The following VAC14 variants were observed in gnomAD, a reference collection of about 807,000 sequenced individuals.
VAC14 encodes VAC14 component of PIKFYVE complex, also known as protein VAC14 homolog.
Under a neutral mutation model 85.3 loss-of-function variants are expected in VAC14, and 47 were observed. The ratio of observed to expected loss-of-function variants is 0.55; its 90% CI spans 0.44 to 0.70. VAC14 has a LOEUF of 0.70. Ranked by LOEUF, VAC14 falls within the 30% of genes least tolerant of loss-of-function variation. The probability of loss-of-function intolerance (pLI) is 0.00; values close to 1 mark genes in which losing one functional copy is unlikely to be tolerated. For synonymous variants in VAC14, 447 were observed against 430.5 expected (o/e 1.04, Z -0.47); for missense variants, 861 against 1,004.3 (o/e 0.86, Z 1.93).
At chr16:70,713,696 C>A (rs1296427797) in intron 14 of VAC14, among the ~76,000 whole-genome samples, 1 of 147,340 alleles carries the variant, frequency 6.8e-6, no homozygotes, top group Non-Finnish European at 1.5e-5. Flanking sequence ...TGCTCAGGAG[C>A]ATCTTTGTTT....
At chr16:70,700,468 G>A (rs930272330) in intron 14 of VAC14, among the ~76,000 whole-genome samples, 2 of 152,180 alleles carry the variant, frequency 1.3e-5, no homozygotes, top group African/African-American at 4.8e-5. Context: ...CAATGTCTCC[G>A]CACAATTTTT....
intron 1 of VAC14, among the ~76,000 whole-genome samples, chr16:70,789,204 G>A (rs920306627): frequency 1.3e-5 from 2 of 152,232 alleles, no homozygotes; most frequent in South Asian, 4.1e-4. Flanking sequence ...CACAGAAGGC[G>A]GTGGGAGGAC....
intron 12 of VAC14, among the ~76,000 whole-genome samples, chr16:70,753,896 G>A (rs1201919096): frequency 1.3e-5 from 2 of 152,134 alleles, no homozygotes; most frequent in Non-Finnish European, 2.9e-5. Context: ...TCAGGGAAAG[G>A]CTGGCTGGGC....
rs547240532 is a variant in VAC14 at position 70,702,239 on chromosome 16, A to AGCCCTGGCCTGGCTGCCCT, written c.1662-3429_1662-3428insAGGGCAGCCAGGCCAGGGC. 6.4e-3 allele frequency among the ~76,000 whole-genome samples: 982 copies of AGCCCTGGCCTGGCTGCCCT among 152,300 alleles called. 5 individuals are homozygous for AGCCCTGGCCTGGCTGCCCT. The highest frequency in any genetic ancestry group is 9.9e-3 in the Non-Finnish European group (672 of 68,022). ...TTTGCCCTTGTCACCCATCAGGCCA[A>AGCCCTGGCCTGGCTGCCCT]GCCCTGCCCAGATCTTGCACTCTCT... On this transcript the variant is annotated intron_variant, in intron 14 of 18. Transcript: ENST00000261776.
At chr16:70,719,025 T>C (rs1037639848) in intron 14 of VAC14, among the ~76,000 whole-genome samples, 2 of 152,166 alleles carry the variant, frequency 1.3e-5, no homozygotes, top group Non-Finnish European at 2.9e-5. Flanking sequence ...TGCTGCCCAA[T>C]ACAGTAAGAT....
rs1329493199 is a variant in VAC14 at position 70,746,779 on chromosome 16, C to T, written c.1372-2200G>A. Among the ~76,000 whole-genome samples, 10 of 152,082 alleles carry T rather than the reference C, an allele frequency of 6.6e-5. No individual in the cohort carries two copies. In the East Asian group the frequency reaches 1.4e-3, roughly 21 times the overall value. ...CGATTCAGCCCCTGCACACCTGCCACGGCAGGATGTACAAAGGCCATGCAC... is the reference window on the plus strand; with the variant it reads ...CGATTCAGCCCCTGCACACCTGCCATGGCAGGATGTACAAAGGCCATGCAC... On this transcript the variant is annotated intron_variant, in intron 12 of 18. Coordinates refer to ENST00000261776, the MANE Select transcript of VAC14 (RefSeq NM_018052.5).
At chr16:70,782,953 A>C in intron 7 of VAC14, 80 bp downstream of exon 7, 1 of 1,285,592 alleles carries the variant, frequency 7.8e-7, no homozygotes, top group Non-Finnish European at 1.1e-6. Context: ...TGAAGCTGAG[A>C]TGGTGAAAGG....
chr16:70,784,043 G>A, intron 5 of VAC14, 70 bp downstream of exon 5: 1 of 1,304,134 alleles, frequency 7.7e-7, no homozygotes, highest in East Asian at 2.3e-5. Flanking sequence ...CAAAGGGCCT[G>A]ACAAGAGTGT....
chr16:70,791,176 G>A (rs1018060689), intron 1 of VAC14, among the ~76,000 whole-genome samples: 7 of 152,142 alleles, frequency 4.6e-5, no homozygotes, highest in African/African-American at 1.7e-4. Context: ...CCTCCCATCT[G>A]CCCACTCTCT....
At position 70,762,914 on chromosome 16, in the gene VAC14, C is replaced by G; in HGVS notation, c.1272G>C (p.Trp424Cys). 1 of 1,614,206 alleles carries G rather than the reference C, an allele frequency of 6.2e-7. No homozygotes were observed. Among genetic ancestry groups the G allele is most frequent in the Non-Finnish European group, 8.5e-7 (1 of 1,180,044 alleles). Residue 424 changes from tryptophan (W) to cysteine (C), a missense_variant, in exon 11 of 19, where the codon TGG becomes TGC. Trp to Cys is a radical substitution (Grantham distance 215). Around this residue, in one of 3 missense-constraint regions of VAC14, gnomAD observed 629 missense variants for 703.1 expected, o/e 0.89. Transcript: ENST00000261776. The surrounding 1 kb of genome is among the most constrained non-coding windows in gnomAD (Gnocchi z 4.1). ...GMMTRIAVLKWLYHLYIKTPR... is the reference protein window; with the variant it reads ...GMMTRIAVLKCLYHLYIKTPR... ...GAGTTTTGATGTAGAGGTGGTAGAG[C>G]CACTTGAGAACTGCAATCCTGGTCA... is the stretch of plus-strand genomic sequence containing the variant.
rs369295470 is a variant in VAC14 at position 70,691,069 on chromosome 16, A to G, written c.2186+1752T>C. ...CACTGACCCTCAGAATCTTCTACCC[A>G]GAGGCCTCAACCCCTTGGCTCAAGA... On this transcript the variant is annotated intron_variant, in intron 18 of 18. Coordinates refer to ENST00000261776, the MANE Select transcript of VAC14 (RefSeq NM_018052.5). 328 of 985,488 alleles carry G rather than the reference A, an allele frequency of 3.3e-4. 3 individuals carry two copies. The South Asian group carries it at 0.013, about 40-fold the overall frequency. 61.0% of individuals were successfully genotyped at this position (985,488 alleles called of 1,614,324 possible).
intron 14 of VAC14, among the ~76,000 whole-genome samples, chr16:70,721,949 G>A (rs1024297123): frequency 2.6e-5 from 4 of 152,168 alleles, no homozygotes; most frequent in East Asian, 1.9e-4. Context: ...CCCCAGGCCC[G>A]GTGGAGGGCA....
At chr16:70,723,556 A>G (rs1433106422) in intron 14 of VAC14, among the ~76,000 whole-genome samples, 1 of 152,230 alleles carries the variant, frequency 6.6e-6, no homozygotes, top group African/African-American at 2.4e-5. Context: ...AATCTTTCCA[A>G]GTTTCCTGGC....
In VAC14 at chr16:70,698,746, T is replaced by G. The variant is rs774233414; in HGVS notation, c.1727A>C (p.Glu576Ala). The G allele has an allele frequency of 1.2e-6, 2 of 1,614,040 alleles. No homozygotes were observed. The highest frequency in any genetic ancestry group is 2.7e-5 in the African/African-American group (2 of 74,918). The change falls in exon 15 of 19, where the codon GAG becomes GCG. Residue 576 changes from glutamate (E) to alanine (A), a missense_variant. Physicochemically the swap from Glu to Ala is moderately radical, Grantham distance 107. Transcript: ENST00000261776. ...FHSMADILLR[E>A]EDLKFASTMV... ...GGTCGAGGCGAACTTGAGGTCCTCC[T>G]CCCGCAGCAGGATGTCTGCCATTGA...
At chr16:70,775,549 C>T (rs1306737259) in intron 9 of VAC14, among the ~76,000 whole-genome samples, 2 of 152,204 alleles carry the variant, frequency 1.3e-5, no homozygotes, top group African/African-American at 4.8e-5. Context: ...CCCCTGTAGA[C>T]CCAGGACGCA....
rs1427386202 is a variant in VAC14 at position 70,781,879 on chromosome 16, G to A, written c.936C>T (p.Asp312=). 4.3e-6 allele frequency: 7 copies of A among 1,613,920 alleles called. No homozygotes were observed. The highest frequency in any genetic ancestry group is 5.9e-6 in the Non-Finnish European group (7 of 1,179,978). ...CAAAGCAAAGGATACTTTTCTTGCG[G>A]TCATCGTAGGCCAAGCAGGGCAAGA... ...TAVLPCLAYD[D]RKKSIKEVAN... is the part of the protein sequence containing the mutation. Residue 312 remains aspartate, a synonymous_variant, in exon 8 of 19, where the codon GAC becomes GAT. Transcript: ENST00000261776.
intron 18 of VAC14, chr16:70,689,848 C>T: frequency 1.0e-6 from 1 of 985,532 alleles, no homozygotes; most frequent in Non-Finnish European, 1.2e-6. Context: ...GGTGCCACTG[C>T]TCCAAGAGAG....
chr16:70,770,958 G>C (rs2033175588), intron 10 of VAC14: 2 of 152,310 alleles, frequency 1.3e-5, no homozygotes, highest in South Asian at 4.1e-4. Context: ...CCCTAGCTAG[G>C]GGTCTGGGGG....
intron 14 of VAC14, among the ~76,000 whole-genome samples, chr16:70,702,120 C>T (rs2053839854): frequency 6.6e-6 from 1 of 152,246 alleles, no homozygotes; most frequent in Non-Finnish European, 1.5e-5. Flanking sequence ...ACCCCCTCCG[C>T]CAGGCCAGCG....
Sources: allele counts gnomAD v4.1 joint callset (sites outside exome capture counted in the v4.1 genomes callset), GRCh38; gene constraint gnomAD v4.1.1; regional missense constraint gnomAD v4.1.1; non-coding constraint Gnocchi (gnomAD v3.1); transcripts MANE v1.5; gene names NCBI Gene and HGNC (gene_info 2026-07-23, HGNC 2026-07-21).